BMPR1B: variants seen among roughly 807,000 people sequenced by gnomAD.
BMPR1B encodes the protein bone morphogenetic protein receptor type-1B.
BMPR1B carries 12 observed loss-of-function variants against 59.1 expected under a neutral mutation model. The observed-to-expected ratio is 0.20, with a 90% CI of 0.13 to 0.33. The LOEUF is 0.33. BMPR1B is among the 10% of genes least tolerant of loss of function. BMPR1B has a pLI of 1.00. For synonymous variants in BMPR1B, 237 were observed against 207.3 expected, an observed-to-expected ratio of 1.14 and a Z score of -1.23; for missense variants, 550 against 610.9, an observed-to-expected ratio of 0.90 and a Z score of 1.05.
chr4:94,825,484 G>A (rs1028387184), intron 1 of BMPR1B, among the ~76,000 whole-genome samples: 1 of 152,138 alleles, frequency 6.6e-6, no homozygotes, highest in African/African-American at 2.4e-5. Context: ...CAGTCTGGGT[G>A]ATAGAGTGAG....
intron 1 of BMPR1B, among the ~76,000 whole-genome samples, chr4:94,833,462 A>C (rs1222640851): frequency 6.6e-6 from 1 of 152,098 alleles, no homozygotes; most frequent in African/African-American, 2.4e-5. Flanking sequence ...TTCCTGATTC[A>C]TTAAGCTCCT....
At chr4:95,119,287 G>C (rs939067619) in intron 6 of BMPR1B, among the ~76,000 whole-genome samples, 5 of 152,118 alleles carry the variant, frequency 3.3e-5, no homozygotes, top group Non-Finnish European at 7.4e-5. Context: ...ACGTATTTGT[G>C]TGTTACAGTG....
At chr4:94,998,769 A>G (rs911937760) in intron 3 of BMPR1B, among the ~76,000 whole-genome samples, 5 of 152,096 alleles carry the variant, frequency 3.3e-5, no homozygotes, top group African/African-American at 1.2e-4. Context: ...CTGCTTATAG[A>G]TAAAGACCAG....
intron 1 of BMPR1B, among the ~76,000 whole-genome samples, chr4:94,767,091 C>T (rs1721998276): frequency 6.6e-6 from 1 of 152,076 alleles, no homozygotes; most frequent in African/African-American, 2.4e-5. Context: ...GCCAGATGGA[C>T]TCAGAAGAAC....
intron 1 of BMPR1B, among the ~76,000 whole-genome samples, chr4:94,830,186 T>C (rs527279508): frequency 6.6e-6 from 1 of 152,242 alleles, no homozygotes; most frequent in African/African-American, 2.4e-5. Context: ...ATAAACTATT[T>C]TTTGGACAGC....
intron 3 of BMPR1B, among the ~76,000 whole-genome samples, chr4:95,005,315 G>A (rs1274628717): frequency 4.6e-5 from 7 of 152,082 alleles, no homozygotes; most frequent in Non-Finnish European, 7.3e-5. Flanking sequence ...TATTAGCTGT[G>A]TATTGCCAGT....
intron 2 of BMPR1B, among the ~76,000 whole-genome samples, chr4:94,909,890 C>T (rs1357224651): frequency 6.6e-6 from 1 of 152,000 alleles, no homozygotes; most frequent in African/African-American, 2.4e-5. Context: ...AATTAATTTT[C>T]ATATTTCCCT....
At chr4:94,912,460 G>GTTC (rs1201136030) in intron 2 of BMPR1B, among the ~76,000 whole-genome samples, 1 of 152,092 alleles carries the variant, frequency 6.6e-6, no homozygotes, top group Non-Finnish European at 1.5e-5. Flanking sequence ...TGCCTTGGGT[G>GTTC]TTCCCAGCAA....
chr4:95,059,630 TA>T (rs10685663), intron 3 of BMPR1B, among the ~76,000 whole-genome samples: 27 of 151,522 alleles, frequency 1.8e-4, no homozygotes, highest in Middle Eastern at 3.4e-3. Flanking sequence ...CCTATTATGG[TA>T]AAAAAAACAA....
At chr4:94,861,559 T>C (rs560993727) in intron 1 of BMPR1B, among the ~76,000 whole-genome samples, 4 of 151,920 alleles carry the variant, frequency 2.6e-5, no homozygotes, top group Admixed American at 2.6e-4. Flanking sequence ...AGGTCAAGCC[T>C]CCTATGTTAT....
intron 4 of BMPR1B, among the ~76,000 whole-genome samples, chr4:95,112,410 C>T (rs568601358): frequency 1.3e-4 from 20 of 152,220 alleles, no homozygotes; most frequent in African/African-American, 4.6e-4. Context: ...TTAGCTTTGA[C>T]TGCGGAACAT....
At chr4:94,831,971 T>A (rs926266551) in intron 1 of BMPR1B, among the ~76,000 whole-genome samples, 1 of 152,202 alleles carries the variant, frequency 6.6e-6, no homozygotes, top group Non-Finnish European at 1.5e-5. Flanking sequence ...GGTGGGATTG[T>A]CTAGTTGCAG....
At chr4:94,903,064 T>C (rs1018780048) in intron 2 of BMPR1B, among the ~76,000 whole-genome samples, 1 of 152,042 alleles carries the variant, frequency 6.6e-6, no homozygotes, top group Non-Finnish European at 1.5e-5. Context: ...GAGTGCTTTT[T>C]CATAGCCTGT....
At chr4:95,116,435 A>ACACACACACACC (rs1732068720) in intron 6 of BMPR1B, among the ~76,000 whole-genome samples, 1 of 150,348 alleles carries the variant, frequency 6.7e-6, no homozygotes, top group Non-Finnish European at 1.5e-5. Context: ...ACACACACAC[A>ACACACACACACC]CACACACACA....
chr4:94,760,788 G>GTGAT (rs368517983), intron 1 of BMPR1B, among the ~76,000 whole-genome samples: 9 of 152,314 alleles, frequency 5.9e-5, no homozygotes, highest in African/African-American at 2.2e-4. Flanking sequence ...TACCTGGTAT[G>GTGAT]TGATAGATAC....
intron 3 of BMPR1B, among the ~76,000 whole-genome samples, chr4:95,007,990 A>G (rs1478199178): frequency 1.3e-5 from 2 of 152,212 alleles, no homozygotes; most frequent in Non-Finnish European, 2.9e-5. Context: ...TAATATGATT[A>G]TAGTGGCAGA....
At chr4:95,056,978 C>T (rs1352901765) in intron 3 of BMPR1B, among the ~76,000 whole-genome samples, 1 of 152,150 alleles carries the variant, frequency 6.6e-6, no homozygotes, top group Non-Finnish European at 1.5e-5. Context: ...GATATAATCC[C>T]TCATTGTGTT....
At chr4:95,013,696 A>G (rs1008118825) in intron 3 of BMPR1B, among the ~76,000 whole-genome samples, 4 of 152,184 alleles carry the variant, frequency 2.6e-5, no homozygotes, top group Non-Finnish European at 5.9e-5. Context: ...AAAAGATATA[A>G]TTGTTTGAAG....
Position 94,799,235 on chromosome 4 carries a change from C to T in BMPR1B, c.-183+41167C>T, listed in dbSNP as rs200013918. ...ACCTTATCTTTGAGATGCCGGGCTG[C>T]GTAGAATTCACAGAGACTTCATTGG... On this transcript the variant is annotated intron_variant, in intron 1 of 12. Transcript: ENST00000515059. Among the ~76,000 whole-genome samples, 17 of 150,048 alleles carry T rather than the reference C, an allele frequency of 1.1e-4. No homozygotes were observed. The East Asian group carries it at 2.0e-3, about 17-fold the overall frequency.
Sources: gnomAD v4.1 joint callset for allele counts (sites outside exome capture counted in the v4.1 genomes callset) on GRCh38, gnomAD v4.1.1 for gene constraint, MANE v1.5 for transcripts, NCBI Gene and HGNC (gene_info 2026-07-23, HGNC 2026-07-21) for gene names.